Variants in ZNF75A observed in about 807,000 individuals in gnomAD.
ZNF75A encodes the protein zinc finger protein 75A.
A neutral mutation model predicts 46.3 loss-of-function variants in ZNF75A; 36 were observed. That is an observed-to-expected ratio of 0.78 (90% CI 0.60 to 1.03). ZNF75A has a LOEUF of 1.03. Among genes scored for constraint, ZNF75A ranks in the 50% least tolerant of loss-of-function variants. The probability of loss-of-function intolerance (pLI) is 0.00; values close to 1 mark genes in which losing one functional copy is unlikely to be tolerated. For missense variants in ZNF75A, 595 were observed against 551.3 expected (o/e 1.08, Z -0.79); for synonymous variants, 234 against 189.9 (o/e 1.23, Z -1.91).
At chr16:3,308,938 A>C in intron 2 of ZNF75A, 102 bp downstream of exon 2, 1 of 772,544 alleles carries the variant, frequency 1.3e-6, no homozygotes, top group African/African-American at 1.9e-5. Flanking sequence ...TAGGTAGGTC[A>C]TTGTTTGGTT....
chr16:3,314,741 T>C (rs1037366265), intron 5 of ZNF75A: 2 of 985,332 alleles, frequency 2.0e-6, no homozygotes, highest in Non-Finnish European at 2.4e-6. Flanking sequence ...CATTCTCTTC[T>C]TTAGAGCTTG....
intron 5 of ZNF75A, among the ~76,000 whole-genome samples, chr16:3,315,825 T>A (rs1432539789): frequency 6.6e-6 from 1 of 152,222 alleles, no homozygotes. Flanking sequence ...AAATCTAAAC[T>A]TCTTACCAAG....
chr16:3,313,296 A>AGGGG (rs1258285718), intron 5 of ZNF75A, 121 bp downstream of exon 5: 4 of 1,000,678 alleles, frequency 4.0e-6, no homozygotes, highest in Non-Finnish European at 5.9e-6. Flanking sequence ...TAGATGGTAT[A>AGGGG]GGGGAGGGTG....
rs139830361 is a variant in ZNF75A, at chr16:3,316,780, G to C, written c.824-132G>C. 2.8e-3 allele frequency: 1,726 copies of C among 624,094 alleles called. 28 individuals carry two copies. Among genetic ancestry groups the C allele is most frequent in the African/African-American group, 0.027 (1,497 of 54,518 alleles). 38.7% of individuals were successfully genotyped at this position (624,094 alleles called of 1,614,324 possible). On this transcript the variant is annotated intron_variant, in intron 5 of 6. Coordinates refer to ENST00000669516, the MANE Select transcript of ZNF75A (RefSeq NM_001302109.2). ...TAGTATAAACGTGATACTTAATCTT[G>C]GAGTCTATCCATTTAACCATTTGGA...
chr16:3,307,691 T>C lies in ZNF75A; in HGVS notation c.-116-622T>C, dbSNP rs1414252002. 6 of 151,760 alleles carry C rather than the reference T, an allele frequency of 4.0e-5. No individual in the cohort carries two copies. In the South Asian group the frequency reaches 1.2e-3, roughly 32 times the overall value. The allele number at this position is 151,760 out of a possible 1,614,324, so 9.4% of individuals were successfully genotyped here. A position where few individuals can be genotyped will look rare whatever the true frequency, so the allele number is the denominator to read the frequency against. On this transcript the variant is annotated intron_variant, in intron 1 of 6. Coordinates refer to ENST00000669516, the MANE Select transcript of ZNF75A (RefSeq NM_001302109.2). ...TACCATCCTGGCTATTTTTTTTTTT[T>C]TTCTTCAAATTTTGTGTTTTGTAGA...
intron 2 of ZNF75A, chr16:3,310,915 G>C (rs1212186818): frequency 1.0e-6 from 1 of 985,284 alleles, no homozygotes; most frequent in Admixed American, 6.2e-5. Flanking sequence ...ATACAGGGCA[G>C]GACCTATGTT....
At chr16:3,322,334 A>T (rs1052158053), downstream of ZNF75A, among the ~76,000 whole-genome samples, 1 of 152,156 alleles carries the variant, frequency 6.6e-6, no homozygotes, top group African/African-American at 2.4e-5. Context: ...ACTGTTTGAA[A>T]CATCAACCAA....
At chr16:3,312,948 G>A in intron 4 of ZNF75A, 101 bp from the exon 5 acceptor site, 6 of 1,413,942 alleles carry the variant, frequency 4.2e-6, no homozygotes, top group Non-Finnish European at 5.6e-6. Context: ...AAAAAATCAT[G>A]TTCTTTTAAT....
In ZNF75A at chr16:3,318,498, A is replaced by T. The variant is rs1961394368; in HGVS notation, c.*629A>T. 6.1e-6 allele frequency: 6 copies of T among 985,312 alleles called. No individual in the cohort carries two copies. In the South Asian group the frequency reaches 1.9e-4, roughly 31 times the overall value. 61.0% of individuals were successfully genotyped at this position (985,312 alleles called of 1,614,324 possible). A position where few individuals can be genotyped will look rare whatever the true frequency, so the allele number is the denominator to read the frequency against. On this transcript the variant is annotated 3_prime_UTR_variant, in exon 7 of 7. Coordinates refer to ENST00000669516, the MANE Select transcript of ZNF75A (RefSeq NM_001302109.2). ...ACATCTCTAATGGAATCATGGGGGA[A>T]ACGGGTTGGAATTTGTAGCCATGGA...
intron 2 of ZNF75A, chr16:3,310,795 C>G: frequency 2.0e-6 from 2 of 985,476 alleles, no homozygotes; most frequent in Non-Finnish European, 2.4e-6. Context: ...ATGAAAGTCT[C>G]TACTGCCTTC....
At position 3,308,312 on chromosome 16, in the gene ZNF75A, G is replaced by T. The variant is rs1960441958; in HGVS notation, c.-116-1G>T. The T allele has an allele frequency of 1.4e-6, 1 of 710,688 alleles. No homozygotes were observed. The allele number at this position is 710,688 out of a possible 1,614,324, so 44.0% of individuals were successfully genotyped here. On this transcript the variant is annotated splice_acceptor_variant, in intron 1 of 6. Transcript: ENST00000669516. LOFTEE classifies it low-confidence loss of function (5UTR_SPLICE). The stretch of plus-strand genomic sequence containing the variant: ...CATACTTTTCTTTTTCTTGTCCTCA[G>T]TGCTTTTAGGAAGAAGATCCTTTTA...
intron 2 of ZNF75A, chr16:3,310,520 G>T: frequency 4.0e-6 from 1 of 248,800 alleles, no homozygotes; most frequent in Non-Finnish European, 6.4e-6. Flanking sequence ...AGCCACTCGG[G>T]AGGCTGAGGT....
chr16:3,318,952 G>A, downstream of ZNF75A: 1 of 566,872 alleles, frequency 1.8e-6, no homozygotes, highest in Non-Finnish European at 2.2e-6. Context: ...GCATTTAACA[G>A]CAGCCTCAGG....
Position 3,308,728 on chromosome 16 carries a change from G to T in ZNF75A, c.300G>T (p.Leu100=), listed in dbSNP as rs186235590. The T allele has an allele frequency of 1.0e-6, 1 of 991,684 alleles. No homozygotes were observed. Among genetic ancestry groups the T allele is most frequent in the Non-Finnish European group, 1.2e-6 (1 of 832,644 alleles). 61.4% of individuals were successfully genotyped at this position (991,684 alleles called of 1,614,324 possible). A position where few individuals can be genotyped will look rare whatever the true frequency, so the allele number is the denominator to read the frequency against. ...LLVLEQFLTI[L]PRETQTQMQK... is the part of the protein sequence containing the mutation. ...TGCTGGAGCAGTTCCTGACTATTCT[G>T]CCCAGGGAGACACAGACCCAGATGC... The change falls in exon 2 of 7, where the codon CTG becomes CTT. Residue 100 remains leucine, a synonymous_variant. Coordinates refer to ENST00000669516, the MANE Select transcript of ZNF75A (RefSeq NM_001302109.2).
downstream of ZNF75A, among the ~76,000 whole-genome samples, chr16:3,321,021 C>T (rs563880805): frequency 1.3e-5 from 2 of 152,134 alleles, no homozygotes; most frequent in South Asian, 4.1e-4. Flanking sequence ...CATGATGTCT[C>T]ATAACAACCT....
intron 5 of ZNF75A, chr16:3,314,603 T>A: frequency 1.1e-6 from 1 of 924,410 alleles, no homozygotes; most frequent in Non-Finnish European, 1.3e-6. Flanking sequence ...TCTTCTGCCT[T>A]CGCCCCCGTG....
intron 3 of ZNF75A, 68 bp from the exon 4 acceptor site, chr16:3,312,609 T>C (rs7500738): frequency 0.23 from 160,110 of 692,324 alleles, 20,035 homozygotes; most frequent in Admixed American, 0.29. Context: ...TCAGGATCAG[T>C]GTTTTAGAAA....
chr16:3,320,258 ATGGTCT>A, downstream of ZNF75A, among the ~76,000 whole-genome samples: 1 of 152,198 alleles, frequency 6.6e-6, no homozygotes, highest in Non-Finnish European at 1.5e-5. Context: ...GTTAGCCAGG[ATGGTCT>A]TGGTCTCCTG....
intron 5 of ZNF75A, among the ~76,000 whole-genome samples, chr16:3,314,465 C>G (rs987195903): frequency 1.3e-5 from 2 of 152,188 alleles, no homozygotes; most frequent in Non-Finnish European, 2.9e-5. Context: ...CCCTGCTGCC[C>G]AAGACCCACA....
Sources: allele counts gnomAD v4.1 joint callset (sites outside exome capture counted in the v4.1 genomes callset), GRCh38; gene constraint gnomAD v4.1.1; transcripts MANE v1.5; gene names NCBI Gene and HGNC (gene_info 2026-07-23, HGNC 2026-07-21).